TRPA1: variants seen among roughly 807,000 people sequenced by gnomAD.
The protein encoded by TRPA1 is transient receptor potential cation channel subfamily A member 1, also known as ankyrin-like with transmembrane domains 1.
In TRPA1, 129 loss-of-function variants were observed where a neutral mutation model predicts 131.3. The observed-to-expected ratio is 0.98, with a 90% CI of 0.85 to 1.14. The LOEUF (loss-of-function observed/expected upper bound fraction) is 1.14, where lower values mean the gene tolerates loss of function less well. Ranked by LOEUF, TRPA1 falls within the 50% of genes most tolerant of loss-of-function variation. The pLI is 0.00. For synonymous variants in TRPA1, 441 were observed against 451.7 expected, an observed-to-expected ratio of 0.98 and a Z score of 0.30; for missense variants, 1,304 against 1,354.2, an observed-to-expected ratio of 0.96 and a Z score of 0.58.
intron 3 of TRPA1, among the ~76,000 whole-genome samples, chr8:72,067,835 C>T (rs1293142136): frequency 6.6e-6 from 1 of 152,164 alleles, no homozygotes; most frequent in African/African-American, 2.4e-5. Context: ...CCACCCTGAC[C>T]CATCTCATAG....
intron 25 of TRPA1, 77 bp downstream of exon 25, chr8:72,025,883 C>T (rs1226541050): frequency 1.0e-5 from 13 of 1,250,218 alleles, no homozygotes; most frequent in Non-Finnish European, 1.5e-5. Flanking sequence ...ATAAAAGGGC[C>T]CCCTTAGGGT....
chr8:72,036,192 G>A (rs1812043971), intron 21 of TRPA1, 96 bp downstream of exon 21: 1 of 1,294,212 alleles, frequency 7.7e-7, no homozygotes, highest in East Asian at 2.4e-5. Context: ...ACTGGAAAAG[G>A]AATAAGCCAG....
In TRPA1 at chr8:72,022,600, CTTCTT is replaced by C. The variant is rs1811433767; in HGVS notation, c.*301_*305del. 2.2e-6 allele frequency: 1 copy of C among 444,632 alleles called. No homozygotes were observed. Among genetic ancestry groups the C allele is most frequent in the African/African-American group, 2.0e-5 (1 of 50,234 alleles). 27.5% of individuals were successfully genotyped at this position (444,632 alleles called of 1,614,324 possible). A position where few individuals can be genotyped will look rare whatever the true frequency, so the allele number is the denominator to read the frequency against. On this transcript the variant is annotated 3_prime_UTR_variant, in exon 27 of 27. Transcript: ENST00000262209. ...TTTAGCTTAATAGTTACATTTATTA[CTTCTT>C]TTCATTAAAAATGTGTGTTCTAGCA...
At chr8:72,050,359 A>G (rs530979342) in intron 15 of TRPA1, among the ~76,000 whole-genome samples, 2 of 152,298 alleles carry the variant, frequency 1.3e-5, no homozygotes, top group African/African-American at 4.8e-5. Context: ...TCTCATTCTT[A>G]TGAGAAGCTA....
chr8:72,074,964 G>A (rs971920753), intron 1 of TRPA1, among the ~76,000 whole-genome samples: 1 of 152,184 alleles, frequency 6.6e-6, no homozygotes, highest in African/African-American at 2.4e-5. Flanking sequence ...CTACGGAAAG[G>A]TCCAAGTGAA....
intron 13 of TRPA1, chr8:72,053,010 AGAGAGAG>A (rs1369545045): frequency 5.0e-3 from 399 of 79,090 alleles, no homozygotes; most frequent in Middle Eastern, 8.2e-3. Context: ...ATAGAGAAAG[AGAGAGAG>A]AGAGAGAGAG....
intron 21 of TRPA1, among the ~76,000 whole-genome samples, chr8:72,035,094 C>G (rs920296791): frequency 6.6e-6 from 1 of 152,116 alleles, no homozygotes; most frequent in Non-Finnish European, 1.5e-5. Context: ...TTTTCTACCC[C>G]CTGCATCCTA....
At chr8:72,057,994 T>A (rs1805715958) in intron 8 of TRPA1, among the ~76,000 whole-genome samples, 178 bp from the exon 9 acceptor site, 1 of 152,204 alleles carries the variant, frequency 6.6e-6, no homozygotes, top group Non-Finnish European at 1.5e-5. Flanking sequence ...TGTTGTATCA[T>A]CAGAAATCAA....
Position 72,038,905 on chromosome 8 carries a change from A to T in TRPA1, c.2255T>A (p.Ile752Asn), listed in dbSNP as rs1171112691. The T allele has an allele frequency of 1.2e-6, 2 of 1,612,978 alleles. No individual in the cohort carries two copies. The highest frequency in any genetic ancestry group is 3.3e-4 in the Middle Eastern group (2 of 6,036). Residue 752 changes from isoleucine to asparagine, a missense_variant, in exon 19 of 27, where the codon ATC becomes AAC. Ile to Asn is a moderately radical substitution (Grantham distance 149). Coordinates refer to ENST00000262209, the MANE Select transcript of TRPA1 (RefSeq NM_007332.3). ...TTCTGAATGATCACTAGTTTCATTG[A>T]TGATGCCAGTTGAGTTGAAAGCCAT... ...PGMAFNSTGIINETSDHSEIL... is the reference protein window; with the variant it reads ...PGMAFNSTGINNETSDHSEIL...
rs929943671 is a variant in TRPA1 at position 72,034,481 on chromosome 8, A to G, written c.2556-104T>C. On this transcript the variant is annotated intron_variant, in intron 21 of 26. Transcript: ENST00000262209. ...TTAAACCAGGTATTAGATTTCACAG[A>G]TGAGATCACTGAGGCCAGTTATTTT... 1.1e-5 allele frequency: 8 copies of G among 696,580 alleles called. No individual in the cohort carries two copies. In the Admixed American group the frequency reaches 2.7e-4, roughly 24 times the overall value. The allele number at this position is 696,580 out of a possible 1,614,324, so 43.1% of individuals were successfully genotyped here. A position where few individuals can be genotyped will look rare whatever the true frequency, so the allele number is the denominator to read the frequency against.
Position 72,052,734 on chromosome 8 carries a change from C to G in TRPA1, c.1676G>C (p.Gly559Ala), listed in dbSNP as rs1805543961. The change falls in exon 14 of 27, where the codon GGC (glycine) becomes GCC (alanine). Residue 559 changes from glycine to alanine, a missense_variant. By Grantham distance (60) the Gly-to-Ala change is moderately conservative. Coordinates refer to ENST00000262209, the MANE Select transcript of TRPA1 (RefSeq NM_007332.3). ...NTALHFAARE[G>A]HAKAVALLLS... ...AAGAAGCGCAACGGCTTTGGCGTGG[C>G]CTTCCCTTGCAGCAAAGTGAAGTGC... is the stretch of plus-strand genomic sequence containing the variant. 2 of 1,613,286 alleles carry G rather than the reference C, an allele frequency of 1.2e-6. No homozygotes were observed. Among genetic ancestry groups the G allele is most frequent in the Non-Finnish European group, 1.7e-6 (2 of 1,179,858 alleles).
At chr8:72,076,472 T>C (rs779322041), upstream of TRPA1, 3 of 152,404 alleles carry the variant, frequency 2.0e-5, no homozygotes, top group Middle Eastern at 6.8e-3. Context: ...AGGCTGATTA[T>C]ACCTTGCACA....
chr8:72,024,295 C>G (rs1013511716), intron 25 of TRPA1, among the ~76,000 whole-genome samples: 1 of 152,126 alleles, frequency 6.6e-6, no homozygotes, highest in African/African-American at 2.4e-5. Flanking sequence ...ACAACTCAAC[C>G]AATCAACAAA....
At chr8:72,063,866 A>G (rs968777880) in intron 4 of TRPA1, among the ~76,000 whole-genome samples, 20 of 152,164 alleles carry the variant, frequency 1.3e-4, no homozygotes, top group Admixed American at 1.3e-4. Flanking sequence ...GAGATTTTTG[A>G]AGACATTATC....
the TRPA1 span, among the ~76,000 whole-genome samples, chr8:72,084,647 A>ATTTTTTTT: frequency 3.8e-5 from 4 of 104,968 alleles, no homozygotes; most frequent in East Asian, 2.6e-4. Context: ...TAAAATGATA[A>ATTTTTTTT]TTTTTTTTTT....
At chr8:72,025,772 G>A (rs1319570390) in intron 25 of TRPA1, among the ~76,000 whole-genome samples, 188 bp downstream of exon 25, 1 of 152,158 alleles carries the variant, frequency 6.6e-6, no homozygotes, top group African/African-American at 2.4e-5. Flanking sequence ...GAGAGCAAAC[G>A]TCACCCTCCT....
In TRPA1 at chr8:72,068,976, C is replaced by T. The variant is rs776275600; in HGVS notation, c.444+47G>A. 3 of 1,606,996 alleles carry T rather than the reference C, an allele frequency of 1.9e-6. No homozygotes were observed. In the Admixed American group the frequency reaches 5.0e-5, roughly 27 times the overall value. On this transcript the variant is annotated intron_variant, in intron 3 of 26. Transcript: ENST00000262209. ...AGAGAGAGCTGGATCTGGGTCCCAG[C>T]ACCTGCACCGCCGGTCAGGCCCTTT...
intron 17 of TRPA1, among the ~76,000 whole-genome samples, chr8:72,042,179 G>T (rs1409471506): frequency 6.6e-6 from 1 of 151,822 alleles, no homozygotes; most frequent in Non-Finnish European, 1.5e-5. Flanking sequence ...GAATATTTGA[G>T]GAACTCCTAC....
intron 7 of TRPA1, 33 bp from the exon 8 acceptor site, chr8:72,059,471 A>C: frequency 7.6e-7 from 1 of 1,320,148 alleles, no homozygotes; most frequent in Non-Finnish European, 1.1e-6. Context: ...ATTATAATTA[A>C]AGTACTATTG....
Sources: gnomAD v4.1 joint callset for allele counts (sites outside exome capture counted in the v4.1 genomes callset) on GRCh38, gnomAD v4.1.1 for gene constraint, MANE v1.5 for transcripts, NCBI Gene and HGNC (gene_info 2026-07-23, HGNC 2026-07-21) for gene names.